Variants in NRG1 observed in about 807,000 individuals in gnomAD.
The protein encoded by NRG1 is pro-neuregulin-1, membrane-bound isoform.
NRG1 carries 18 observed loss-of-function variants against 63.8 expected under a neutral mutation model. The observed-to-expected ratio is 0.28, with a 90% CI of 0.19 to 0.42. The LOEUF is 0.42. Among genes scored for constraint, NRG1 ranks in the 10% least tolerant of loss-of-function variants. The pLI is 1.00. For synonymous variants in NRG1, 302 were observed against 301.3 expected, an observed-to-expected ratio of 1.00 and a Z score of -0.02; for missense variants, 762 against 814.7, an observed-to-expected ratio of 0.94 and a Z score of 0.79.
Position 31,941,523 on chromosome 8 carries a change from G to A in NRG1, c.37+302092G>A, listed in dbSNP as rs140168942. On this transcript the variant is annotated intron_variant, in intron 1 of 10. Transcript: ENST00000519301. ...ACTTTCACCACTTCTATTCAACATC[G>A]TACCAGGAATCTTAGCCAGAGCAAT... Among the ~76,000 whole-genome samples the A allele has an allele frequency of 3.9e-4, 59 of 152,150 alleles. No homozygotes were observed. The East Asian group carries it at 6.8e-3, about 17-fold the overall frequency.
intron 1 of NRG1, among the ~76,000 whole-genome samples, chr8:32,475,719 T>C (rs143182713): frequency 6.6e-6 from 1 of 152,134 alleles, no homozygotes; most frequent in African/African-American, 2.4e-5. Flanking sequence ...CCTGTGCCTG[T>C]TTTCTTAAGG....
intron 1 of NRG1, among the ~76,000 whole-genome samples, chr8:32,101,718 A>G (rs1293357938): frequency 6.6e-6 from 1 of 152,146 alleles, no homozygotes; most frequent in African/African-American, 2.4e-5. Context: ...TTTAATGTGG[A>G]AGGTAAATTA....
At chr8:32,446,120 T>C (rs1820208211) in intron 1 of NRG1, among the ~76,000 whole-genome samples, 1 of 152,204 alleles carries the variant, frequency 6.6e-6, no homozygotes, top group Non-Finnish European at 1.5e-5. Context: ...ATAACACATA[T>C]AGAGCACTAT....
At chr8:31,959,779 ATTATTTATTTATTTATTATTTAT>A (rs1368945680) in intron 1 of NRG1, among the ~76,000 whole-genome samples, 1 of 135,044 alleles carries the variant, frequency 7.4e-6, no homozygotes, top group African/African-American at 2.9e-5. Context: ...GCAACCACCG[ATTATTTATTTATTTATTATTTAT>A]TTATTTATTT....
At chr8:32,644,229 T>C (rs564902585) in intron 5 of NRG1, among the ~76,000 whole-genome samples, 1 of 152,278 alleles carries the variant, frequency 6.6e-6, no homozygotes, top group Non-Finnish European at 1.5e-5. Context: ...AAAGGTTAGG[T>C]AGTAAAAAAT....
At chr8:32,649,672 G>A (rs1563853697) in intron 5 of NRG1, among the ~76,000 whole-genome samples, 4 of 152,062 alleles carry the variant, frequency 2.6e-5, no homozygotes, top group African/African-American at 7.2e-5. Flanking sequence ...TGTAACTCCC[G>A]ATCATTTCAC....
At chr8:32,120,914 G>C (rs1007350130) in intron 1 of NRG1, among the ~76,000 whole-genome samples, 1 of 151,964 alleles carries the variant, frequency 6.6e-6, no homozygotes. Flanking sequence ...TATAAACTCT[G>C]CAAGAGGGGA....
At chr8:31,788,199 GA>G (rs1245433844) in intron 1 of NRG1, among the ~76,000 whole-genome samples, 4 of 151,788 alleles carry the variant, frequency 2.6e-5, no homozygotes, top group South Asian at 2.1e-4. Flanking sequence ...TTAAGATAAA[GA>G]AAAAAACCCA....
At chr8:32,145,816 G>T (rs1836808697) in intron 1 of NRG1, among the ~76,000 whole-genome samples, 1 of 152,192 alleles carries the variant, frequency 6.6e-6, no homozygotes. Flanking sequence ...CTGATGCCCT[G>T]TTCTAAAATT....
chr8:32,274,701 C>A (rs1851906071), intron 1 of NRG1, among the ~76,000 whole-genome samples: 1 of 152,144 alleles, frequency 6.6e-6, no homozygotes, highest in African/African-American at 2.4e-5. Context: ...CCTATTTTAA[C>A]CCCAATTTAA....
chr8:32,635,332 C>G (rs1851124605), intron 5 of NRG1, among the ~76,000 whole-genome samples: 1 of 152,164 alleles, frequency 6.6e-6, no homozygotes, highest in Non-Finnish European at 1.5e-5. Flanking sequence ...GAAATGGTAG[C>G]TATTTTTATT....
chr8:31,648,704 G>A (rs1265527972), intron 1 of NRG1, among the ~76,000 whole-genome samples: 2 of 152,086 alleles, frequency 1.3e-5, no homozygotes, highest in African/African-American at 4.8e-5. Context: ...ATGTCCTCAA[G>A]GTTCATCATG....
At chr8:32,414,274 T>A (rs1045369887) in intron 1 of NRG1, among the ~76,000 whole-genome samples, 3 of 152,172 alleles carry the variant, frequency 2.0e-5, no homozygotes, top group Non-Finnish European at 2.9e-5. Flanking sequence ...ATAGCTGAGA[T>A]GCCAGGAAAA....
intron 1 of NRG1, among the ~76,000 whole-genome samples, chr8:31,717,262 C>T (rs1448642929): frequency 6.6e-6 from 1 of 151,754 alleles, no homozygotes; most frequent in Non-Finnish European, 1.5e-5. Flanking sequence ...CAAAAATTTG[C>T]TGAGTGTGAT....
chr8:31,746,187 C>T (rs1256357099), intron 1 of NRG1, among the ~76,000 whole-genome samples: 1 of 151,766 alleles, frequency 6.6e-6, no homozygotes, highest in Non-Finnish European at 1.5e-5. Context: ...CAAAAACTGC[C>T]CTAGGATAAT....
intron 1 of NRG1, among the ~76,000 whole-genome samples, chr8:32,090,540 C>T (rs116951211): frequency 0.014 from 2,063 of 152,184 alleles, 19 homozygotes; most frequent in South Asian, 0.045. Flanking sequence ...AGGTTGTTCT[C>T]GAACTCTTGA....
At chr8:32,401,430 TTGTC>T (rs1316514609) in intron 1 of NRG1, among the ~76,000 whole-genome samples, 2 of 152,206 alleles carry the variant, frequency 1.3e-5, no homozygotes, top group Non-Finnish European at 2.9e-5. Flanking sequence ...ATTTTATTCA[TTGTC>T]TGTCTCCCTT....
intron 1 of NRG1, among the ~76,000 whole-genome samples, chr8:32,460,843 A>C (rs1212757833): frequency 6.6e-6 from 1 of 152,202 alleles, no homozygotes; most frequent in East Asian, 1.9e-4. Flanking sequence ...CTTATCTAAG[A>C]AATAAAGAAA....
intron 1 of NRG1, among the ~76,000 whole-genome samples, chr8:32,319,521 C>T (rs955066937): frequency 1.5e-4 from 23 of 152,186 alleles, no homozygotes; most frequent in African/African-American, 5.1e-4. Context: ...CAACACTAGA[C>T]CCTTTCCCAG....
Sources: allele counts gnomAD v4.1 joint callset (sites outside exome capture counted in the v4.1 genomes callset), GRCh38; gene constraint gnomAD v4.1.1; transcripts MANE v1.5; gene names NCBI Gene and HGNC (gene_info 2026-07-23, HGNC 2026-07-21).